Variants in ANK3 observed in about 807,000 individuals in gnomAD.
ANK3 encodes the protein ankyrin-3.
Under a neutral mutation model 370.9 loss-of-function variants are expected in ANK3, and 57 were observed. That is an observed-to-expected ratio of 0.15 (90% CI 0.12 to 0.19). The LOEUF is 0.19. Among genes scored for constraint, ANK3 ranks in the 10% least tolerant of loss-of-function variants. The pLI is 1.00. For synonymous variants in ANK3, 1,929 were observed against 1,946.3 expected (o/e 0.99, Z 0.23); for missense variants, 4,439 against 5,302.1 (o/e 0.84, Z 5.06).
intron 9 of ANK3, among the ~76,000 whole-genome samples, chr10:60,210,187 A>C (rs1364819108): frequency 1.3e-5 from 2 of 152,200 alleles, no homozygotes; most frequent in Non-Finnish European, 1.5e-5. Flanking sequence ...TCAACAAGGA[A>C]AAGTTCTTGC....
At chr10:60,125,481 T>C (rs1157215844) in intron 25 of ANK3, among the ~76,000 whole-genome samples, 1 of 152,232 alleles carries the variant, frequency 6.6e-6, no homozygotes, top group Non-Finnish European at 1.5e-5. Flanking sequence ...TGAATAATGC[T>C]GGCAAAGCAC....
intron 23 of ANK3, among the ~76,000 whole-genome samples, chr10:60,162,358 G>T (rs898855952): frequency 5.3e-5 from 8 of 152,062 alleles, no homozygotes; most frequent in Non-Finnish European, 1.0e-4. Context: ...CAGTCTTCTT[G>T]TCCAGCTCTG....
At chr10:60,285,943 A>C (rs907128993) in intron 1 of ANK3, among the ~76,000 whole-genome samples, 2 of 152,086 alleles carry the variant, frequency 1.3e-5, no homozygotes, top group Non-Finnish European at 2.9e-5. Flanking sequence ...TCTCTCCCTC[A>C]AACCCCCTTC....
intron 2 of ANK3, among the ~76,000 whole-genome samples, chr10:60,582,114 C>T (rs1299777546): frequency 6.6e-6 from 1 of 151,750 alleles, no homozygotes; most frequent in East Asian, 1.9e-4. Context: ...CACACTGGGG[C>T]TTGTCAGGGG....
At chr10:60,671,446 A>G (rs1589003971) in intron 1 of ANK3, among the ~76,000 whole-genome samples, 1 of 152,260 alleles carries the variant, frequency 6.6e-6, no homozygotes, top group South Asian at 2.1e-4. Flanking sequence ...TGGTATCTCA[A>G]TCTAAGTGGG....
intron 1 of ANK3, among the ~76,000 whole-genome samples, chr10:60,297,544 G>A (rs1261998808): frequency 1.3e-5 from 2 of 152,160 alleles, no homozygotes; most frequent in South Asian, 2.1e-4. Flanking sequence ...AATATATTCT[G>A]AGGATCATGA....
At chr10:60,589,730 C>T (rs1388249477) in intron 2 of ANK3, among the ~76,000 whole-genome samples, 1 of 152,198 alleles carries the variant, frequency 6.6e-6, no homozygotes, top group Non-Finnish European at 1.5e-5. Flanking sequence ...TCTTTCCTTT[C>T]AACAATTTTC....
At chr10:60,525,007 C>T (rs188477147) in intron 2 of ANK3, among the ~76,000 whole-genome samples, 33 of 152,160 alleles carry the variant, frequency 2.2e-4, no homozygotes, top group Admixed American at 5.2e-4. Flanking sequence ...TATTTGATAT[C>T]AAAACAAATT....
intron 25 of ANK3, among the ~76,000 whole-genome samples, chr10:60,114,804 G>A (rs981886480): frequency 2.0e-5 from 3 of 152,232 alleles, no homozygotes; most frequent in South Asian, 2.1e-4. Flanking sequence ...GTATCTGAAT[G>A]CAGCAGAGGG....
chr10:60,253,015 T>C (rs183188726), intron 7 of ANK3, among the ~76,000 whole-genome samples: 149 of 152,354 alleles, frequency 9.8e-4, no homozygotes, highest in African/African-American at 3.3e-3. Flanking sequence ...CATTAGGTTC[T>C]ACCATTGGAC....
Position 60,074,318 on chromosome 10 carries a change from G to T in ANK3, c.6563C>A (p.Pro2188Gln), listed in dbSNP as rs190303926. Residue 2188 changes from proline to glutamine, a missense_variant, in exon 37 of 44, where the codon CCA (proline) becomes CAA (glutamine). Physicochemically the swap from Pro to Gln is moderately conservative, Grantham distance 76. This residue lies in a region of ANK3 where 1,601 missense variants were observed against 1,731.7 expected (regional missense o/e 0.92). Transcript: ENST00000280772. The part of the protein sequence containing the change: ...PSAGDVPQTQ[P>Q]EEPVSPKPSP... ...AGGTTTAGGTGACACAGGCTCCTCT[G>T]GTTGGGTCTGGGGAACATCCCCAGC... is the stretch of plus-strand genomic sequence containing the variant. The T allele has an allele frequency of 4.4e-5, 71 of 1,613,980 alleles. No individual in the cohort carries two copies. The highest frequency in any genetic ancestry group is 3.5e-4 in the Admixed American group (21 of 59,996).
At chr10:60,303,469 C>T (rs1279410998) in intron 1 of ANK3, among the ~76,000 whole-genome samples, 2 of 152,012 alleles carry the variant, frequency 1.3e-5, no homozygotes, top group Non-Finnish European at 2.9e-5. Context: ...TACAAATGAC[C>T]AGCAGATATA....
chr10:60,258,366 C>A (rs150357691), intron 7 of ANK3, among the ~76,000 whole-genome samples: 49 of 152,310 alleles, frequency 3.2e-4, no homozygotes, highest in Middle Eastern at 3.4e-3. Context: ...CGATGTCAGA[C>A]AGGATATCTT....
At position 60,615,110 on chromosome 10, in the gene ANK3, T is replaced by C. The variant is rs559580854; in HGVS notation, c.96+76A>G. 494 of 953,884 alleles carry C rather than the reference T, an allele frequency of 5.2e-4. 7 individuals carry two copies. In the South Asian group the frequency reaches 8.8e-3, roughly 17 times the overall value. The allele number at this position is 953,884 out of a possible 1,614,324, so 59.1% of individuals were successfully genotyped here. On this transcript the variant is annotated intron_variant, in intron 2 of 43. Transcript: ENST00000373827. ...CTCCTGTAAATAATTCATTCAACTC[T>C]ATGTTTATAATTGTAAGAAGAAACT...
chr10:60,709,710 C>T (rs1393643534), intron 1 of ANK3, among the ~76,000 whole-genome samples: 1 of 151,732 alleles, frequency 6.6e-6, no homozygotes, highest in Non-Finnish European at 1.5e-5. Context: ...TGCCTGTCAT[C>T]CCAGTTACTC....
At chr10:60,582,465 C>T (rs2077768157) in intron 2 of ANK3, among the ~76,000 whole-genome samples, 1 of 151,862 alleles carries the variant, frequency 6.6e-6, no homozygotes, top group East Asian at 1.9e-4. Flanking sequence ...TGTACACATT[C>T]CCAATCCAGT....
chr10:60,082,144 T>C lies in ANK3; in HGVS notation c.4350+6A>G, dbSNP rs754920672. Reference sequence around the variant, plus strand: ...GATAGAATAAAAGCAGAAGTGTTTATATTACCTCATCATCTTGATCTGACT... The same window carrying C: ...GATAGAATAAAAGCAGAAGTGTTTACATTACCTCATCATCTTGATCTGACT... On this transcript the variant is annotated splice_donor_region_variant and intron_variant, in intron 35 of 43. Transcript: ENST00000280772. 6.1e-5 allele frequency: 98 copies of C among 1,608,786 alleles called. No individual in the cohort carries two copies. The highest frequency in any genetic ancestry group is 8.9e-5 in the East Asian group (4 of 44,784).
intron 2 of ANK3, among the ~76,000 whole-genome samples, chr10:60,515,044 A>ATGT: frequency 6.6e-6 from 1 of 152,282 alleles, no homozygotes; most frequent in African/African-American, 2.4e-5. Context: ...AAATGTGAAT[A>ATGT]TGTTGCACTT....
Position 60,063,873 on chromosome 10 carries a change from T to C in ANK3, c.12451+284A>G, listed in dbSNP as rs10821667. ...TCCCATGATTTAACAACTAAAATTA[T>C]GTTTTCAGTTTTTATGGTCACAGAG... On this transcript the variant is annotated intron_variant, in intron 39 of 43. Coordinates refer to ENST00000280772, the MANE Select transcript of ANK3 (RefSeq NM_020987.5). Among the ~76,000 whole-genome samples, 24,302 of 152,260 alleles carry C rather than the reference T, an allele frequency of 0.16. 2,481 individuals are homozygous for C. The highest frequency in any genetic ancestry group is 0.23 in the Non-Finnish European group (15,371 of 68,002).
Sources: gnomAD v4.1 joint callset for allele counts (sites outside exome capture counted in the v4.1 genomes callset) on GRCh38, gnomAD v4.1.1 for gene constraint, gnomAD v4.1.1 regional missense constraint, MANE v1.5 for transcripts, NCBI Gene and HGNC (gene_info 2026-07-23, HGNC 2026-07-21) for gene names.